The following PTPRD variants were observed in gnomAD, a reference collection of about 807,000 sequenced individuals.
The protein encoded by PTPRD is protein tyrosine phosphatase receptor type D.
In PTPRD, 34 loss-of-function variants were observed where a neutral mutation model predicts 214.5. The ratio of observed to expected loss-of-function variants is 0.16; its 90% CI spans 0.12 to 0.21. The LOEUF (loss-of-function observed/expected upper bound fraction) is 0.21. Among genes scored for constraint, PTPRD ranks in the 10% least tolerant of loss-of-function variants. The pLI, the probability that PTPRD is intolerant of heterozygous loss-of-function variation, is 1.00. For missense variants in PTPRD, 2,545 were observed against 2,398.7 expected (o/e 1.06, Z -1.27); for synonymous variants, 1,128 against 845.7 (o/e 1.33, Z -5.79).
chr9:8,491,005 C>G (rs1178615643), intron 27 of PTPRD, among the ~76,000 whole-genome samples: 2 of 152,150 alleles, frequency 1.3e-5, no homozygotes, highest in African/African-American at 4.8e-5. Context: ...ATACAGTAGA[C>G]AAAACAAATT....
intron 12 of PTPRD, among the ~76,000 whole-genome samples, chr9:8,639,109 G>T (rs1403876878): frequency 1.3e-5 from 2 of 152,144 alleles, no homozygotes; most frequent in Non-Finnish European, 2.9e-5. Context: ...CCAAAGTGCT[G>T]GGATTACAGG....
intron 9 of PTPRD, among the ~76,000 whole-genome samples, chr9:9,385,899 G>A (rs1356166143): frequency 6.6e-6 from 1 of 152,118 alleles, no homozygotes; most frequent in Non-Finnish European, 1.5e-5. Flanking sequence ...CCAGTCTTAT[G>A]TTCTTTTAAA....
At chr9:10,539,564 C>T (rs929474474) in intron 2 of PTPRD, among the ~76,000 whole-genome samples, 1 of 152,172 alleles carries the variant, frequency 6.6e-6, no homozygotes, top group Non-Finnish European at 1.5e-5. Flanking sequence ...ACAGTCCTTT[C>T]ACCCTTCTGC....
chr9:8,477,565 G>C (rs2096790043), intron 30 of PTPRD, among the ~76,000 whole-genome samples: 1 of 152,250 alleles, frequency 6.6e-6, no homozygotes, highest in Admixed American at 6.5e-5. Flanking sequence ...TTAACTGGGA[G>C]GTGAAAAGTC....
intron 3 of PTPRD, among the ~76,000 whole-genome samples, chr9:10,090,896 C>T (rs2098420761): frequency 3.6e-5 from 5 of 140,540 alleles, no homozygotes. Flanking sequence ...CACCAAAGGA[C>T]ATTTGTGTAT....
chr9:8,659,854 T>C (rs1204913781), intron 12 of PTPRD, among the ~76,000 whole-genome samples: 1 of 152,212 alleles, frequency 6.6e-6, no homozygotes, highest in Non-Finnish European at 1.5e-5. Context: ...TCTTCAATGA[T>C]GATATTTGAT....
intron 5 of PTPRD, among the ~76,000 whole-genome samples, chr9:9,866,329 T>A (rs1456256379): frequency 1.3e-5 from 2 of 152,192 alleles, no homozygotes; most frequent in East Asian, 3.8e-4. Flanking sequence ...TACAGTGTTA[T>A]AGCTTTAGGA....
intron 5 of PTPRD, among the ~76,000 whole-genome samples, chr9:9,855,872 G>C (rs562129281): frequency 1.3e-5 from 2 of 152,326 alleles, no homozygotes; most frequent in South Asian, 4.1e-4. Context: ...AGCGCTAGCA[G>C]CTCAGTGGGT....
intron 10 of PTPRD, among the ~76,000 whole-genome samples, chr9:9,019,841 G>A (rs17664452): frequency 0.32 from 48,107 of 152,086 alleles, 8,173 homozygotes; most frequent in Middle Eastern, 0.39. Context: ...ACTGGGCACC[G>A]ATGTTGGCAT....
Position 8,434,764 on chromosome 9 carries a change from G to GT in PTPRD, c.4086+1827dup, listed in dbSNP as rs1195903669. Reference sequence around the variant, plus strand: ...TTCATAAAAATTGACATAACTAAGAGTTTTTTATGGTGCCCCAGGTGCTAT... The same window carrying GT: ...TTCATAAAAATTGACATAACTAAGAGTTTTTTTATGGTGCCCCAGGTGCTAT... On this transcript the variant is annotated intron_variant, in intron 35 of 45. Coordinates refer to ENST00000381196, the MANE Select transcript of PTPRD (RefSeq NM_002839.4). Among the ~76,000 whole-genome samples, 30 of 152,268 alleles carry GT rather than the reference G, an allele frequency of 2.0e-4. No homozygotes were observed. The East Asian group carries it at 3.5e-3, about 18-fold the overall frequency.
At chr9:10,482,326 G>T (rs980255985) in intron 2 of PTPRD, among the ~76,000 whole-genome samples, 1 of 151,968 alleles carries the variant, frequency 6.6e-6, no homozygotes, top group African/African-American at 2.4e-5. Context: ...AGCCGAGATG[G>T]CGCCACTGCA....
intron 35 of PTPRD, among the ~76,000 whole-genome samples, chr9:8,416,208 C>T (rs772281066): frequency 9.9e-5 from 15 of 151,870 alleles, no homozygotes; most frequent in Admixed American, 2.0e-4. Flanking sequence ...CATCTAGTGA[C>T]GTGGAAAGAT....
chr9:10,516,376 G>A (rs1411812604), intron 2 of PTPRD, among the ~76,000 whole-genome samples: 1 of 151,788 alleles, frequency 6.6e-6, no homozygotes, highest in African/African-American at 2.4e-5. Context: ...GTCTTCTTTG[G>A]AGAAATCTCT....
At chr9:9,458,703 G>T (rs1434353403) in intron 8 of PTPRD, among the ~76,000 whole-genome samples, 1 of 152,058 alleles carries the variant, frequency 6.6e-6, no homozygotes, top group Non-Finnish European at 1.5e-5. Flanking sequence ...CACTTTGGGA[G>T]GTCAAGGTAG....
At position 9,465,675 on chromosome 9, in the gene PTPRD, C is replaced by T. The variant is rs573211242; in HGVS notation, c.-236-68193G>A. ...CTTTTTCTATGCCCCAAACCCAATG[C>T]GTTCTGGATCTAGAAAAGGCACCAA... On this transcript the variant is annotated intron_variant, in intron 8 of 45. Transcript: ENST00000381196. Among the ~76,000 whole-genome samples, 32 of 152,236 alleles carry T rather than the reference C, an allele frequency of 2.1e-4. 1 individual carries two copies. The highest frequency in any genetic ancestry group is 7.2e-4 in the African/African-American group (30 of 41,546).
At chr9:10,164,571 T>G (rs1001594494) in intron 3 of PTPRD, among the ~76,000 whole-genome samples, 3 of 151,632 alleles carry the variant, frequency 2.0e-5, no homozygotes, top group African/African-American at 7.2e-5. Flanking sequence ...AGGATGTTCA[T>G]ATGGTGTGAC....
At chr9:8,776,024 GA>G (rs2095458071) in intron 11 of PTPRD, among the ~76,000 whole-genome samples, 1 of 152,144 alleles carries the variant, frequency 6.6e-6, no homozygotes, top group Non-Finnish European at 1.5e-5. Flanking sequence ...AAATTAAAAA[GA>G]AATGAAGATT....
intron 10 of PTPRD, among the ~76,000 whole-genome samples, chr9:9,049,787 C>A (rs569380811): frequency 1.7e-3 from 255 of 152,202 alleles, no homozygotes; most frequent in African/African-American, 5.8e-3. Flanking sequence ...TGATTTGAGT[C>A]CTGCCCTGGA....
At chr9:9,972,385 G>A (rs183298374) in intron 4 of PTPRD, among the ~76,000 whole-genome samples, 3 of 152,142 alleles carry the variant, frequency 2.0e-5, no homozygotes, top group Admixed American at 6.5e-5. Flanking sequence ...TTTCTGTTTC[G>A]GTAACTGTCA....
Sources: gnomAD v4.1 joint callset for allele counts (sites outside exome capture counted in the v4.1 genomes callset) on GRCh38, gnomAD v4.1.1 for gene constraint, MANE v1.5 for transcripts, NCBI Gene and HGNC (gene_info 2026-07-23, HGNC 2026-07-21) for gene names.